The following MDM1 variants were observed in gnomAD, a reference collection of about 807,000 sequenced individuals.
MDM1 encodes Mdm1 nuclear protein.
In MDM1, 61 loss-of-function variants were observed where a neutral mutation model predicts 89.1. The ratio of observed to expected loss-of-function variants is 0.68; its 90% confidence interval spans 0.56 to 0.85. MDM1 has a LOEUF of 0.85. Among genes scored for constraint, MDM1 ranks in the 40% least tolerant of loss-of-function variants. MDM1 has a pLI of 0.00. For missense variants in MDM1, 820 were observed against 846.5 expected, an observed-to-expected ratio of 0.97 and a Z score of 0.39; for synonymous variants, 290 against 294.1, an observed-to-expected ratio of 0.99 and a Z score of 0.14.
At chr12:68,325,409 T>C (rs368067196) in intron 4 of MDM1, 32 bp downstream of exon 4, 1 of 1,461,482 alleles carries the variant, frequency 6.8e-7, no homozygotes, top group Non-Finnish European at 9.1e-7. Flanking sequence ...AAGATAATGG[T>C]ACTCAGAAAT....
chr12:68,319,351 A>G (rs1180580770), intron 7 of MDM1, among the ~76,000 whole-genome samples: 1 of 152,216 alleles, frequency 6.6e-6, no homozygotes, highest in Non-Finnish European at 1.5e-5. Context: ...TTCAAAAAGT[A>G]TATCTCAAAC....
intron 2 of MDM1, chr12:68,330,709 T>G (rs1876666927): frequency 6.2e-6 from 1 of 161,460 alleles, no homozygotes; most frequent in African/African-American, 2.4e-5. Context: ...CGGATCCTGT[T>G]AAGAATTCCT....
chr12:68,303,311 T>G (rs1872472196), intron 12 of MDM1, among the ~76,000 whole-genome samples: 1 of 152,214 alleles, frequency 6.6e-6, no homozygotes, highest in Non-Finnish European at 1.5e-5. Context: ...ATATTAATTT[T>G]TCACGTACCA....
chr12:68,314,074 T>C (rs1874106596), intron 10 of MDM1, among the ~76,000 whole-genome samples: 2 of 149,448 alleles, frequency 1.3e-5, no homozygotes, highest in South Asian at 4.2e-4. Context: ...AAGGCGGAGC[T>C]TGCAGTGAGC....
intron 12 of MDM1, among the ~76,000 whole-genome samples, chr12:68,306,564 AG>A: frequency 6.6e-6 from 1 of 152,338 alleles, no homozygotes; most frequent in East Asian, 1.9e-4. Flanking sequence ...TCCATTAAAA[AG>A]GGGGCAAAGG....
At chr12:68,332,106 G>T in intron 1 of MDM1, 122 bp downstream of exon 1, 2 of 1,392,134 alleles carry the variant, frequency 1.4e-6, no homozygotes, top group Non-Finnish European at 2.0e-6. Context: ...CAGGCCCTGG[G>T]GCTGGCAGCT....
chr12:68,327,469 T>A, intron 2 of MDM1: 4 of 1,535,922 alleles, frequency 2.6e-6, no homozygotes, highest in Non-Finnish European at 2.6e-6. Flanking sequence ...AGGGATGAGA[T>A]GTCACTGTGC....
chr12:68,296,957 C>G lies in MDM1; in HGVS notation c.2028G>C (p.Leu676Phe). The change falls in exon 14 of 15, where the codon TTG becomes TTC. Residue 676 changes from leucine (L) to phenylalanine (F), a missense_variant. By Grantham distance (22) the Leu-to-Phe change is conservative. Coordinates refer to ENST00000682720, the MANE Select transcript of MDM1 (RefSeq NM_001354969.2). ...HNVGKARMNNLQLPQHEAFND... is the reference protein window; with the variant it reads ...HNVGKARMNNFQLPQHEAFND... Reference sequence around the variant, plus strand: ...TAAAGGCTTCATGTTGAGGTAACTGCAAATTGTTCATCCTTGCTTTTCCCA... The same window carrying G: ...TAAAGGCTTCATGTTGAGGTAACTGGAAATTGTTCATCCTTGCTTTTCCCA... 6.3e-7 allele frequency: 1 copy of G among 1,589,742 alleles called. No individual in the cohort carries two copies. The highest frequency in any genetic ancestry group is 8.5e-7 in the Non-Finnish European group (1 of 1,170,786).
At position 68,295,285 on chromosome 12, in the gene MDM1, T is replaced by C. The variant is rs775090316; in HGVS notation, c.2144A>G (p.Lys715Arg). 6.2e-7 allele frequency: 1 copy of C among 1,612,656 alleles called. No individual in the cohort carries two copies. Among genetic ancestry groups the C allele is most frequent in the South Asian group, 1.1e-5 (1 of 90,830 alleles). Reference protein sequence around the residue: ...RAFQTLARAKKRKENFWGKT With the variant: ...RAFQTLARAKRRKENFWGKT ...TTTACCCCAGAAATTCTCCTTCCTT[T>C]TCTTAGCTCGTGCCAGAGTTTGAAA... Residue 715 changes from lysine to arginine, a missense_variant, in exon 15 of 15, where the codon AAA (lysine) becomes AGA (arginine). Lys to Arg is a conservative substitution (Grantham distance 26). Transcript: ENST00000682720.
At chr12:68,299,517 A>G (rs1303160129) in intron 13 of MDM1, among the ~76,000 whole-genome samples, 1 of 152,206 alleles carries the variant, frequency 6.6e-6, no homozygotes, top group African/African-American at 2.4e-5. Context: ...AGTTTCAAAA[A>G]TAGACTAGAA....
chr12:68,316,528 A>G (rs751957004), intron 8 of MDM1, 53 bp downstream of exon 8: 142 of 1,417,298 alleles, frequency 1.0e-4, no homozygotes, highest in Non-Finnish European at 1.3e-4. Context: ...TTCCAACTGA[A>G]ATTACACAAG....
chr12:68,323,389 T>C (rs1412394091), intron 4 of MDM1, 149 bp from the exon 5 acceptor site: 3 of 579,558 alleles, frequency 5.2e-6, no homozygotes, highest in African/African-American at 3.9e-5. Flanking sequence ...CATATATTAT[T>C]AACATCCAAA....
intron 10 of MDM1, among the ~76,000 whole-genome samples, chr12:68,314,028 T>C (rs1874097719): frequency 6.6e-6 from 1 of 150,772 alleles, no homozygotes; most frequent in African/African-American, 2.4e-5. Context: ...TCCCAGCTAC[T>C]TGGGAGGCTG....
chr12:68,325,778 C>A, intron 3 of MDM1: 2 of 1,189,654 alleles, frequency 1.7e-6, no homozygotes, highest in Non-Finnish European at 2.1e-6. Context: ...AAGTGTCAAA[C>A]TATTTAAAAT....
chr12:68,329,498 C>T (rs1469631548), intron 2 of MDM1, among the ~76,000 whole-genome samples: 3 of 152,230 alleles, frequency 2.0e-5, no homozygotes, highest in African/African-American at 7.2e-5. Context: ...GTACTCAAAC[C>T]AGGCCCTTAA....
rs747843133 is a variant in MDM1 at position 68,300,958 on chromosome 12, C to A, written c.2002+1662G>T. 2.2e-4 allele frequency among the ~76,000 whole-genome samples: 34 copies of A among 152,278 alleles called. No homozygotes were observed. The East Asian group carries it at 3.9e-3, about 17-fold the overall frequency. ...AATTTAAGAAAATCATACCAATTAT[C>A]TTCTCAGACCACAGGGGAATAAAAC... is the stretch of plus-strand genomic sequence containing the variant. On this transcript the variant is annotated intron_variant, in intron 13 of 14. Transcript: ENST00000682720.
chr12:68,305,017 G>C (rs1403111871), intron 12 of MDM1, among the ~76,000 whole-genome samples: 1 of 152,054 alleles, frequency 6.6e-6, no homozygotes, highest in African/African-American at 2.4e-5. Flanking sequence ...CAGGAATATT[G>C]GTCTACAGTT....
intron 2 of MDM1, among the ~76,000 whole-genome samples, chr12:68,330,364 G>A (rs935138367): frequency 1.3e-5 from 2 of 152,160 alleles, no homozygotes; most frequent in Non-Finnish European, 2.9e-5. Context: ...CGGGAAGAAG[G>A]CCTGCAAATT....
intron 1 of MDM1, among the ~76,000 whole-genome samples, chr12:68,331,531 AATTCTCATC>A (rs1302898857): frequency 6.6e-6 from 1 of 152,204 alleles, no homozygotes; most frequent in Non-Finnish European, 1.5e-5. Context: ...TGACAATCTA[AATTCTCATC>A]ATTCTAGATT....
Sources: allele counts gnomAD v4.1 joint callset (sites outside exome capture counted in the v4.1 genomes callset), GRCh38; gene constraint gnomAD v4.1.1; transcripts MANE v1.5; gene names NCBI Gene and HGNC (gene_info 2026-07-23, HGNC 2026-07-21).